MCU: variants seen among roughly 807,000 people sequenced by gnomAD.
The protein encoded by MCU is mitochondrial calcium uniporter, also known as calcium uniporter protein, mitochondrial.
In MCU, 12 loss-of-function variants were observed where a neutral mutation model predicts 45.2. The ratio of observed to expected loss-of-function variants is 0.27; its 90% CI spans 0.17 to 0.43. The LOEUF (loss-of-function observed/expected upper bound fraction) is 0.43. Among genes scored for constraint, MCU ranks in the 20% least tolerant of loss-of-function variants. The probability of loss-of-function intolerance (pLI) is 1.00; values close to 1 mark genes in which losing one functional copy is unlikely to be tolerated. For missense variants in MCU, 324 were observed against 436.7 expected (o/e 0.74, Z 2.30); for synonymous variants, 160 against 165.1 (o/e 0.97, Z 0.24).
At chr10:72,877,442 G>A (rs919980305) in intron 6 of MCU, among the ~76,000 whole-genome samples, 2 of 151,988 alleles carry the variant, frequency 1.3e-5, no homozygotes, top group Admixed American at 6.6e-5. Flanking sequence ...TTCAGACCTC[G>A]ATTTTATTCA....
At chr10:72,694,735 A>G (rs1483340322) in intron 1 of MCU, among the ~76,000 whole-genome samples, 2 of 152,204 alleles carry the variant, frequency 1.3e-5, no homozygotes, top group Non-Finnish European at 2.9e-5. Flanking sequence ...GTTCCGCTGT[A>G]TGGTATGGTA....
At chr10:72,760,716 C>CT (rs965659813) in intron 1 of MCU, 5,032 of 134,932 alleles carry the variant, frequency 0.037, 193 homozygotes, top group Non-Finnish European at 0.052. Context: ...TTTTTTCTTT[C>CT]TTTTTTTTTT....
At chr10:72,768,025 G>A (rs1364795729) in intron 1 of MCU, among the ~76,000 whole-genome samples, 2 of 151,884 alleles carry the variant, frequency 1.3e-5, no homozygotes, top group African/African-American at 4.8e-5. Flanking sequence ...AAAATGACTT[G>A]TACTATCTAT....
intron 1 of MCU, among the ~76,000 whole-genome samples, chr10:72,797,670 G>A (rs569407979): frequency 6.6e-6 from 1 of 151,570 alleles, no homozygotes; most frequent in Admixed American, 6.6e-5. Flanking sequence ...AAGTAGCTGG[G>A]ATTACAGGCG....
chr10:72,834,659 T>A (rs962257186), intron 2 of MCU, among the ~76,000 whole-genome samples: 1 of 152,168 alleles, frequency 6.6e-6, no homozygotes, highest in Non-Finnish European at 1.5e-5. Context: ...ATAGGTTAAA[T>A]GATCATTTAT....
intron 1 of MCU, among the ~76,000 whole-genome samples, chr10:72,779,776 A>C (rs12359667): frequency 0.46 from 70,056 of 152,094 alleles, 20,203 homozygotes; most frequent in Non-Finnish European, 0.67. Flanking sequence ...GACAGAAAAT[A>C]ACAAGTGTTA....
chr10:72,723,150 T>C (rs9415074), intron 1 of MCU, among the ~76,000 whole-genome samples: 95,796 of 151,970 alleles, frequency 0.63, 31,725 homozygotes, highest in African/African-American at 0.73. Context: ...GAGCCGAGAT[T>C]GGGCCACTGC....
intron 1 of MCU, among the ~76,000 whole-genome samples, chr10:72,799,084 G>A (rs1411799658): frequency 6.6e-6 from 1 of 151,806 alleles, no homozygotes; most frequent in Admixed American, 6.6e-5. Flanking sequence ...CCGCCACCAC[G>A]CCCAGCTAAT....
intron 1 of MCU, among the ~76,000 whole-genome samples, chr10:72,798,967 G>A (rs1037780758): frequency 6.6e-5 from 10 of 151,636 alleles, no homozygotes; most frequent in Middle Eastern, 3.4e-3. Context: ...TTTTCGAGAC[G>A]GAGTCTCACT....
At chr10:72,737,785 G>C (rs1385594744) in intron 1 of MCU, among the ~76,000 whole-genome samples, 1 of 152,096 alleles carries the variant, frequency 6.6e-6, no homozygotes, top group Admixed American at 6.5e-5. Context: ...CTCCCAAAGT[G>C]CTGGGATTTC....
intron 2 of MCU, among the ~76,000 whole-genome samples, chr10:72,835,855 C>T (rs1011270646): frequency 2.6e-5 from 4 of 152,122 alleles, no homozygotes; most frequent in Non-Finnish European, 5.9e-5. Context: ...CTGTGTTGCC[C>T]CCAGTCAAGA....
In MCU at chr10:72,859,177, A is replaced by G; in HGVS notation, c.221A>G (p.Asp74Gly). Residue 74 changes from aspartate (D) to glycine (G), a missense_variant and splice_region_variant, in exon 3 of 8, where the codon GAT (aspartate) becomes GGT (glycine). Asp to Gly is a moderately conservative substitution (Grantham distance 94, BLOSUM62 -1). This residue lies in a region of MCU where 111 missense variants were observed against 112.3 expected (regional missense o/e 0.99). Transcript: ENST00000373053. ...VYCSTVVPSD[D>G]VTVVYQNGLP... is the part of the protein sequence containing the mutation. ...ATGTTTGTGGGTCTTTTTCATTCAGATGTTACAGTGGTTTATCAAAATGGG... is the reference window on the plus strand; with the variant it reads ...ATGTTTGTGGGTCTTTTTCATTCAGGTGTTACAGTGGTTTATCAAAATGGG... 6.3e-7 allele frequency: 1 copy of G among 1,578,702 alleles called. No individual in the cohort carries two copies. The highest frequency in any genetic ancestry group is 8.6e-7 in the Non-Finnish European group (1 of 1,162,772).
At chr10:72,696,161 CAAAAAAA>C (rs58694098) in intron 1 of MCU, among the ~76,000 whole-genome samples, 4 of 30,640 alleles carry the variant, frequency 1.3e-4, no homozygotes, top group Non-Finnish European at 2.3e-4. Flanking sequence ...AACTCCGACT[CAAAAAAA>C]AAAAAAAAAA....
intron 2 of MCU, among the ~76,000 whole-genome samples, chr10:72,845,147 T>G (rs1169420031): frequency 6.6e-6 from 1 of 152,092 alleles, no homozygotes; most frequent in Non-Finnish European, 1.5e-5. Context: ...TATATAGAAA[T>G]CTGACATGTG....
At chr10:72,697,635 C>T (rs918479474) in intron 1 of MCU, among the ~76,000 whole-genome samples, 3 of 151,898 alleles carry the variant, frequency 2.0e-5, no homozygotes, top group African/African-American at 7.3e-5. Flanking sequence ...GGGGTTTCAC[C>T]ATGTTGGACA....
chr10:72,708,787 T>C (rs1842854564), intron 1 of MCU, among the ~76,000 whole-genome samples: 1 of 152,144 alleles, frequency 6.6e-6, no homozygotes, highest in Non-Finnish European at 1.5e-5. Flanking sequence ...TCGATTGTGC[T>C]GAAACAAGCA....
chr10:72,873,673 C>T (rs1845580837), intron 6 of MCU, among the ~76,000 whole-genome samples: 1 of 152,160 alleles, frequency 6.6e-6, no homozygotes, highest in African/African-American at 2.4e-5. Context: ...TACAAAAAAT[C>T]TTTGCCCAGA....
intron 1 of MCU, among the ~76,000 whole-genome samples, chr10:72,739,508 G>A (rs1288360359): frequency 1.3e-5 from 2 of 151,958 alleles, no homozygotes; most frequent in African/African-American, 4.8e-5. Flanking sequence ...GGTCTTCCTG[G>A]GAGTAGTCTT....
chr10:72,789,382 T>C (rs1334546916), intron 1 of MCU, among the ~76,000 whole-genome samples: 2 of 152,200 alleles, frequency 1.3e-5, no homozygotes, highest in African/African-American at 4.8e-5. Context: ...AATTATAATA[T>C]AACATTCCCA....
Sources: gnomAD v4.1 joint callset for allele counts (sites outside exome capture counted in the v4.1 genomes callset) on GRCh38, gnomAD v4.1.1 for gene constraint, gnomAD v4.1.1 regional missense constraint, MANE v1.5 for transcripts, NCBI Gene and HGNC (gene_info 2026-07-23, HGNC 2026-07-21) for gene names.